KDM5B: variants seen among roughly 807,000 people sequenced by gnomAD.
The protein encoded by KDM5B is lysine-specific demethylase 5B.
KDM5B carries 144 observed loss-of-function variants against 193.4 expected under a neutral mutation model. The ratio of observed to expected loss-of-function variants is 0.74; its 90% CI spans 0.65 to 0.86. The LOEUF is 0.86. Among genes scored for constraint, KDM5B ranks in the 40% least tolerant of loss-of-function variants. KDM5B has a pLI of 0.00. For missense variants in KDM5B, 1,833 were observed against 1,886.9 expected (o/e 0.97, Z 0.53); for synonymous variants, 668 against 682.6 (o/e 0.98, Z 0.33).
chr1:202,732,027 G>C, intron 23 of KDM5B, 88 bp from the exon 24 acceptor site: 1 of 776,144 alleles, frequency 1.3e-6, no homozygotes, highest in Non-Finnish European at 2.0e-6. Flanking sequence ...GCATTACCCA[G>C]GCAGGCAACC....
At chr1:202,760,786 A>T (rs1259107598) in intron 7 of KDM5B, among the ~76,000 whole-genome samples, 1 of 152,220 alleles carries the variant, frequency 6.6e-6, no homozygotes, top group African/African-American at 2.4e-5. Flanking sequence ...CTAAAGTGGA[A>T]TCTCCTAGCT....
chr1:202,788,572 G>A (rs1426490251), intron 1 of KDM5B, among the ~76,000 whole-genome samples: 2 of 151,562 alleles, frequency 1.3e-5, no homozygotes, highest in East Asian at 3.9e-4. Context: ...ATTGGTATTG[G>A]TATTGGTATT....
intron 12 of KDM5B, among the ~76,000 whole-genome samples, chr1:202,752,057 CT>C (rs1655811701): frequency 6.6e-6 from 1 of 152,152 alleles, no homozygotes; most frequent in African/African-American, 2.4e-5. Flanking sequence ...AAAGCATAAA[CT>C]TTAGGTCACA....
intron 1 of KDM5B, among the ~76,000 whole-genome samples, chr1:202,792,551 T>C (rs755488407): frequency 2.6e-5 from 4 of 152,328 alleles, no homozygotes; most frequent in Admixed American, 6.5e-5. Context: ...ACTAACAGTA[T>C]ATGAATGGGC....
chr1:202,748,876 T>TA, intron 14 of KDM5B, 69 bp downstream of exon 14: 1 of 1,273,538 alleles, frequency 7.9e-7, no homozygotes, highest in South Asian at 1.4e-5. Flanking sequence ...AAAATGATAT[T>TA]AAAGTGCGTA....
In KDM5B at chr1:202,777,097, A is replaced by C; in HGVS notation, c.205-3T>G. 8.1e-6 allele frequency: 13 copies of C among 1,610,364 alleles called. No homozygotes were observed. The highest frequency in any genetic ancestry group is 1.1e-5 in the Non-Finnish European group (13 of 1,176,696). ...CATGCAAATGGTGGCTGCCAATCCT[A>C]GGAGAAAGCAAAGGCTCTTATTAGA... On this transcript the variant is annotated splice_region_variant and splice_polypyrimidine_tract_variant and intron_variant, in intron 1 of 26. Transcript: ENST00000367265.
intron 1 of KDM5B, among the ~76,000 whole-genome samples, chr1:202,786,530 G>A (rs754230936): frequency 2.0e-5 from 3 of 152,060 alleles, no homozygotes; most frequent in Non-Finnish European, 4.4e-5. Context: ...ACATTTATTA[G>A]GTTGGTGCAA....
chr1:202,774,668 G>A lies in KDM5B; in HGVS notation c.350C>T (p.Thr117Ile). The change falls in exon 3 of 27, where the codon ACT becomes ATT. Residue 117 changes from threonine (T) to isoleucine (I), a missense_variant. Around this residue, in one of 3 missense-constraint regions of KDM5B, gnomAD observed 355 missense variants for 374.9 expected, o/e 0.95. Coordinates refer to ENST00000367265, the MANE Select transcript of KDM5B (RefSeq NM_006618.5). Reference sequence around the variant, plus strand: ...CCTCTCCACATGTGGAATTTTCAGAGTACTTCCCTGTAACTCCCAGTACTT... The same window carrying A: ...CCTCTCCACATGTGGAATTTTCAGAATACTTCCCTGTAACTCCCAGTACTT... ...IAKYWELQGS[T>I]LKIPHVERKI... 1.9e-6 allele frequency: 3 copies of A among 1,612,176 alleles called. No individual in the cohort carries two copies. Among genetic ancestry groups the A allele is most frequent in the Non-Finnish European group, 2.5e-6 (3 of 1,178,242 alleles).
chr1:202,778,032 A>C (rs1481742465), intron 1 of KDM5B, among the ~76,000 whole-genome samples: 2 of 152,018 alleles, frequency 1.3e-5, no homozygotes, highest in African/African-American at 4.8e-5. Context: ...AAAATTAGCC[A>C]GATGGGGTGG....
intron 20 of KDM5B, among the ~76,000 whole-genome samples, chr1:202,740,109 C>CG (rs941575813): frequency 6.9e-6 from 1 of 144,928 alleles, no homozygotes; most frequent in African/African-American, 2.6e-5. Context: ...TGGGGCTGAC[C>CG]CCCCCCACCT....
At chr1:202,797,782 A>C (rs1319262479) in intron 1 of KDM5B, among the ~76,000 whole-genome samples, 22 of 152,262 alleles carry the variant, frequency 1.4e-4, no homozygotes, top group Non-Finnish European at 2.9e-5. Context: ...AAATCTCACC[A>C]AACTAAACTC....
At chr1:202,800,469 C>T (rs1658029157) in intron 1 of KDM5B, among the ~76,000 whole-genome samples, 1 of 152,112 alleles carries the variant, frequency 6.6e-6, no homozygotes, top group African/African-American at 2.4e-5. Context: ...GCCTCCCGAG[C>T]AGCTGGGACT....
chr1:202,751,310 A>C (rs78231223), intron 12 of KDM5B, among the ~76,000 whole-genome samples: 532 of 152,244 alleles, frequency 3.5e-3, no homozygotes, highest in Non-Finnish European at 6.0e-3. Flanking sequence ...CTTTTCAAGC[A>C]TCTACATTTC....
At chr1:202,766,409 G>A (rs532527043) in intron 5 of KDM5B, 5 of 381,918 alleles carry the variant, frequency 1.3e-5, no homozygotes, top group South Asian at 9.8e-5. Context: ...GGGAGGCTGA[G>A]GCAGAAGAAT....
chr1:202,774,527 A>AT, intron 3 of KDM5B, 86 bp downstream of exon 3: 3 of 1,310,994 alleles, frequency 2.3e-6, no homozygotes, highest in Non-Finnish European at 3.2e-6. Flanking sequence ...CTGGCTGAGC[A>AT]ATAAGTTCCT....
At chr1:202,765,019 T>C (rs1572741026) in intron 5 of KDM5B, among the ~76,000 whole-genome samples, 1 of 152,188 alleles carries the variant, frequency 6.6e-6, no homozygotes, top group African/African-American at 2.4e-5. Flanking sequence ...GGAAGAACAA[T>C]TCTTATTTTC....
chr1:202,775,319 C>T (rs529970130), intron 2 of KDM5B, among the ~76,000 whole-genome samples: 10 of 151,606 alleles, frequency 6.6e-5, no homozygotes, highest in Non-Finnish European at 8.8e-5. Context: ...GGGTGAATCA[C>T]GAGGTCAGGA....
chr1:202,746,226 G>T lies in KDM5B; in HGVS notation c.2114C>A (p.Ser705Tyr), dbSNP rs758483546. 1.9e-6 allele frequency: 3 copies of T among 1,613,710 alleles called. No individual in the cohort carries two copies. Among genetic ancestry groups the T allele is most frequent in the East Asian group, 2.2e-5 (1 of 44,872 alleles). ...CKTTCFMSAI[S>Y]CSCKPGLLVC... ...AAGAAGGCCAGGTTTACAAGAACAG[G>T]AGATGGCAGACATGAAGCATGTAGT... The change falls in exon 15 of 27, where the codon TCC becomes TAC. Residue 705 changes from serine to tyrosine, a missense_variant. Around this residue, in one of 3 missense-constraint regions of KDM5B, gnomAD observed 1,379 missense variants for 1,349.6 expected, o/e 1.02. Coordinates refer to ENST00000367265, the MANE Select transcript of KDM5B (RefSeq NM_006618.5).
chr1:202,779,902 T>G (rs1438949492), intron 1 of KDM5B, among the ~76,000 whole-genome samples: 5 of 151,468 alleles, frequency 3.3e-5, no homozygotes, highest in Admixed American at 2.0e-4. Context: ...AGCATTACAT[T>G]AGGAATGTAC....
Sources: gnomAD v4.1 joint callset for allele counts (sites outside exome capture counted in the v4.1 genomes callset) on GRCh38, gnomAD v4.1.1 for gene constraint, gnomAD v4.1.1 regional missense constraint, MANE v1.5 for transcripts, NCBI Gene and HGNC (gene_info 2026-07-23, HGNC 2026-07-21) for gene names.